CDH5: variants seen among roughly 807,000 people sequenced by gnomAD.
CDH5 encodes cadherin-5.
Under a neutral mutation model 62.0 loss-of-function variants are expected in CDH5, and 28 were observed. That is an observed-to-expected ratio of 0.45 (90% confidence interval 0.33 to 0.62). The LOEUF is 0.62. CDH5 is among the 20% of genes least tolerant of loss of function. The pLI, the probability that CDH5 is intolerant of heterozygous loss-of-function variation, is 0.02. For synonymous variants in CDH5, 464 were observed against 445.8 expected, an observed-to-expected ratio of 1.04 and a Z score of -0.52; for missense variants, 940 against 1,065.1, an observed-to-expected ratio of 0.88 and a Z score of 1.63.
chr16:66,369,347 G>T (rs970019704), intron 1 of CDH5, among the ~76,000 whole-genome samples: 2 of 152,180 alleles, frequency 1.3e-5, no homozygotes, highest in African/African-American at 4.8e-5. Context: ...GGAGAGGGCG[G>T]GTAGATAGGA....
intron 1 of CDH5, chr16:66,377,393 G>A (rs1200454076): frequency 6.6e-6 from 1 of 152,228 alleles, no homozygotes; most frequent in East Asian, 1.9e-4. Context: ...CCCCACCCTG[G>A]GAGTCCACTT....
At chr16:66,387,463 C>T (rs1173521332) in intron 3 of CDH5, among the ~76,000 whole-genome samples, 1 of 152,206 alleles carries the variant, frequency 6.6e-6, no homozygotes, top group Non-Finnish European at 1.5e-5. Flanking sequence ...GGACTGAGCC[C>T]TGACCCTAGT....
chr16:66,402,715 G>A lies in CDH5; in HGVS notation c.1901G>A (p.Ser634Asn). The change falls in exon 12 of 12, where the codon AGC becomes AAC. Residue 634 changes from serine to asparagine, a missense_variant. Transcript: ENST00000341529. ...LRKQARAHGK[S>N]VPEIHEQLVT... ...AAGCAGGCCCGCGCGCACGGCAAGA[G>A]CGTGCCGGAGATCCACGAGCAGCTG... 6.2e-7 allele frequency: 1 copy of A among 1,609,738 alleles called. No individual in the cohort carries two copies. The highest frequency in any genetic ancestry group is 8.5e-7 in the Non-Finnish European group (1 of 1,179,154).
intron 3 of CDH5, 79 bp downstream of exon 3, chr16:66,387,176 G>T: frequency 1.5e-6 from 2 of 1,374,200 alleles, no homozygotes; most frequent in South Asian, 1.4e-5. Flanking sequence ...CCACTTCACT[G>T]CCTGGGGTAG....
chr16:66,374,050 C>T (rs2142308164), intron 1 of CDH5, among the ~76,000 whole-genome samples: 1 of 152,270 alleles, frequency 6.6e-6, no homozygotes, highest in East Asian at 1.9e-4. Context: ...CAAATCCTGG[C>T]TCCACTGCCT....
At chr16:66,367,817 A>G (rs899963868) in intron 1 of CDH5, among the ~76,000 whole-genome samples, 2 of 152,224 alleles carry the variant, frequency 1.3e-5, no homozygotes. Flanking sequence ...CATCTGTGAA[A>G]TGGGGAAACA....
At chr16:66,390,270 AG>A (rs777337372) in intron 5 of CDH5, 132 bp from the exon 6 acceptor site, 152 of 667,284 alleles carry the variant, frequency 2.3e-4, no homozygotes, top group Admixed American at 5.9e-4. Context: ...TGAGAATCCC[AG>A]GGGTATTATT....
intron 2 of CDH5, among the ~76,000 whole-genome samples, chr16:66,379,778 G>A (rs1352737380): frequency 6.6e-6 from 1 of 151,928 alleles, no homozygotes. Context: ...GGTGAGGATG[G>A]GAAAGGCCAA....
rs956093240 is a variant in CDH5 at position 66,396,099 on chromosome 16, C to T, written c.1258C>T (p.Arg420Ter). 8 of 1,613,764 alleles carry T rather than the reference C, an allele frequency of 5.0e-6. No homozygotes were observed. The highest frequency in any genetic ancestry group is 1.7e-5 in the Admixed American group (1 of 59,994). Residue 420 changes from arginine (R) to a stop codon, truncating the protein, a stop_gained, in exon 8 of 12, where the codon CGA becomes TGA. Coordinates refer to ENST00000341529, the MANE Select transcript of CDH5 (RefSeq NM_001795.5). LOFTEE classifies it high-confidence loss of function. The stretch of plus-strand genomic sequence containing the variant: ...GACCAGTGACAAGGGCCAGTTCTTC[C>T]GAGTCACAAAAAAGGGGGACATTTA... Reference protein sequence around the residue: ...RRTSDKGQFFRVTKKGDIYNE... With the variant: ...RRTSDKGQFF
At chr16:66,384,025 C>T (rs1028259482) in intron 2 of CDH5, among the ~76,000 whole-genome samples, 1 of 151,758 alleles carries the variant, frequency 6.6e-6, no homozygotes, top group Non-Finnish European at 1.5e-5. Flanking sequence ...CTGGAATCTC[C>T]CTCTTCTTTC....
intron 6 of CDH5, among the ~76,000 whole-genome samples, chr16:66,390,857 G>A (rs1961072118): frequency 6.6e-6 from 1 of 152,242 alleles, no homozygotes; most frequent in Non-Finnish European, 1.5e-5. Context: ...CGGGGTAAGT[G>A]TGGAACACAT....
In CDH5 at chr16:66,402,659, C is replaced by T; in HGVS notation, c.1845C>T (p.Thr615=). The T allele has an allele frequency of 6.3e-7, 1 of 1,591,846 alleles. No individual in the cohort carries two copies. The highest frequency in any genetic ancestry group is 8.5e-7 in the Non-Finnish European group (1 of 1,170,992). ...LLCILTITVI[T]LLIFLRRRLR... ...TCGGCTCCCTGGCTGCAGTGATCAC[C>T]CTGCTCATCTTCCTGCGGCGGCGGC... The change falls in exon 12 of 12, where the codon ACC becomes ACT. Residue 615 remains threonine, a synonymous_variant. Coordinates refer to ENST00000341529, the MANE Select transcript of CDH5 (RefSeq NM_001795.5).
chr16:66,382,654 G>A (rs1264402120), intron 2 of CDH5, among the ~76,000 whole-genome samples: 2 of 152,158 alleles, frequency 1.3e-5, no homozygotes, highest in Non-Finnish European at 2.9e-5. Flanking sequence ...AGAACGCCAG[G>A]CCTGCTGTCA....
chr16:66,374,257 C>T (rs938435142), intron 1 of CDH5, among the ~76,000 whole-genome samples: 9 of 152,216 alleles, frequency 5.9e-5, no homozygotes, highest in Non-Finnish European at 1.3e-4. Flanking sequence ...CGGGAGGGTG[C>T]TCAAGGCTCT....
intron 1 of CDH5, among the ~76,000 whole-genome samples, chr16:66,369,980 T>TTTTG (rs58584593): frequency 0.021 from 3,192 of 150,388 alleles, 53 homozygotes; most frequent in Middle Eastern, 0.031. Flanking sequence ...CTGGAGACTT[T>TTTTG]TTTGTTTGTT....
intron 7 of CDH5, 128 bp from the exon 8 acceptor site, chr16:66,395,931 T>G: frequency 1.8e-5 from 16 of 868,262 alleles, no homozygotes; most frequent in Non-Finnish European, 2.3e-5. Context: ...CAGAGTGCAA[T>G]GAGCAGTGAG....
At chr16:66,397,516 T>C (rs6499080) in intron 8 of CDH5, among the ~76,000 whole-genome samples, 108,925 of 152,040 alleles carry the variant, frequency 0.72, 39,228 homozygotes, top group East Asian at 0.81. Context: ...CCACAGCACC[T>C]GGCCTTAAAA....
intron 1 of CDH5, among the ~76,000 whole-genome samples, chr16:66,378,152 T>G (rs1225708612): frequency 2.6e-5 from 4 of 152,176 alleles, no homozygotes; most frequent in African/African-American, 9.7e-5. Context: ...GTTAAGACAG[T>G]TGGATTTTCC....
chr16:66,369,029 C>T (rs952758718), intron 1 of CDH5, among the ~76,000 whole-genome samples: 7 of 152,142 alleles, frequency 4.6e-5, no homozygotes, highest in Non-Finnish European at 8.8e-5. Flanking sequence ...ATCCCAGATG[C>T]TAGGAGGCCT....
Sources: allele counts gnomAD v4.1 joint callset (sites outside exome capture counted in the v4.1 genomes callset), GRCh38; gene constraint gnomAD v4.1.1; transcripts MANE v1.5; gene names NCBI Gene and HGNC (gene_info 2026-07-23, HGNC 2026-07-21).